The following ERCC6 variants were observed in gnomAD, a reference collection of about 807,000 sequenced individuals.
ERCC6 encodes the protein DNA excision repair protein ERCC-6.
ERCC6 carries 116 observed loss-of-function variants against 158.7 expected under a neutral mutation model. The observed-to-expected ratio is 0.73, with a 90% CI of 0.63 to 0.85. The LOEUF is 0.85. Ranked by LOEUF, ERCC6 falls within the 40% of genes least tolerant of loss-of-function variation. ERCC6 has a pLI of 0.00. For synonymous variants in ERCC6, 678 were observed against 659.3 expected (o/e 1.03, Z -0.43); for missense variants, 1,698 against 1,799.4 (o/e 0.94, Z 1.02).
the ERCC6 span, among the ~76,000 whole-genome samples, chr10:49,445,311 C>A: frequency 2.0e-5 from 3 of 152,236 alleles, no homozygotes; most frequent in Non-Finnish European, 2.9e-5. Flanking sequence ...CCATTCCTGG[C>A]AAATGCGGGG....
chr10:49,489,520 C>T (rs543497841), intron 8 of ERCC6, among the ~76,000 whole-genome samples: 28 of 152,332 alleles, frequency 1.8e-4, no homozygotes, highest in African/African-American at 5.8e-4. Context: ...GAACCCTGGT[C>T]TTGTAAGCAC....
chr10:49,453,670 G>A (rs113657879), downstream of ERCC6, among the ~76,000 whole-genome samples: 41 of 152,228 alleles, frequency 2.7e-4, no homozygotes, highest in African/African-American at 9.4e-4. Context: ...TATTAGGCAG[G>A]TTGGTTAACA....
Position 49,459,214 on chromosome 10 carries a change from C to T in ERCC6, c.4083G>A (p.Glu1361=). 6.2e-7 allele frequency: 1 copy of T among 1,614,140 alleles called. No individual in the cohort carries two copies. Residue 1361 remains glutamate, a synonymous_variant, in exon 21 of 21, where the codon GAG becomes GAA. Coordinates refer to ENST00000355832, the MANE Select transcript of ERCC6 (RefSeq NM_000124.4). ...EKCQDGIMKK[E]GKDNVPEHFS... is the part of the protein sequence containing the mutation. ...AATGCTCAGGGACATTATCTTTTCC[C>T]TCCTTTTTCATGATGCCATCCTATA...
rs768296886 is a variant in ERCC6 at position 49,524,199 on chromosome 10, C to T, written c.1231G>A (p.Gly411Arg). The stretch of plus-strand genomic sequence containing the variant: ...ACTGGCACTTTCTTCTGCCGTTTCC[C>T]GCCCTTGGGCAGAGGCTTCAGCTCA... ...DYELKPLPKGGKRQKKVPVQE... is the reference protein window; with the variant it reads ...DYELKPLPKGRKRQKKVPVQE... The change falls in exon 5 of 21, where the codon GGG becomes AGG. Residue 411 changes from glycine to arginine, a missense_variant. Gly to Arg is a moderately radical substitution (Grantham distance 125, BLOSUM62 -2). Coordinates refer to ENST00000355832, the MANE Select transcript of ERCC6 (RefSeq NM_000124.4). 6 of 1,614,156 alleles carry T rather than the reference C, an allele frequency of 3.7e-6. No homozygotes were observed. Among genetic ancestry groups the T allele is most frequent in the Non-Finnish European group, 3.4e-6 (4 of 1,180,034 alleles).
intron 7 of ERCC6, among the ~76,000 whole-genome samples, chr10:49,496,763 G>C (rs1284253389): frequency 6.6e-6 from 1 of 152,124 alleles, no homozygotes; most frequent in Non-Finnish European, 1.5e-5. Context: ...AGCTGAGATT[G>C]TGCCACTGCA....
At chr10:49,525,545 C>T (rs1471234552) in intron 4 of ERCC6, among the ~76,000 whole-genome samples, 1 of 152,170 alleles carries the variant, frequency 6.6e-6, no homozygotes, top group Non-Finnish European at 1.5e-5. Context: ...TGAAATTCAT[C>T]TCTGGCAAAA....
chr10:49,488,696 C>T (rs574930725), intron 8 of ERCC6, among the ~76,000 whole-genome samples: 10 of 149,698 alleles, frequency 6.7e-5, no homozygotes, highest in South Asian at 6.3e-4. Context: ...TTTAAAGCCA[C>T]GTCTTTTTGC....
the ERCC6 span, among the ~76,000 whole-genome samples, chr10:49,438,642 A>G: frequency 6.6e-6 from 1 of 152,130 alleles, no homozygotes; most frequent in East Asian, 1.9e-4. Flanking sequence ...ACAGTCCCCC[A>G]AAGTGTTAAC....
At chr10:49,499,464 G>A (rs897566371) in intron 7 of ERCC6, among the ~76,000 whole-genome samples, 15 of 152,300 alleles carry the variant, frequency 9.8e-5, no homozygotes, top group Middle Eastern at 3.4e-3. Flanking sequence ...TGGAGAGTAG[G>A]AAGAACTTTC....
At chr10:49,527,918 CA>C (rs769858072) in intron 4 of ERCC6, among the ~76,000 whole-genome samples, 4 of 152,118 alleles carry the variant, frequency 2.6e-5, no homozygotes, top group Non-Finnish European at 4.4e-5. Flanking sequence ...CGAATTTTCC[CA>C]AAAAGTTTTC....
At chr10:49,534,352 T>A (rs1342527834) in intron 1 of ERCC6, among the ~76,000 whole-genome samples, 1 of 152,198 alleles carries the variant, frequency 6.6e-6, no homozygotes, top group Non-Finnish European at 1.5e-5. Flanking sequence ...CACATGACCT[T>A]TGTCAAGCAA....
intron 7 of ERCC6, among the ~76,000 whole-genome samples, chr10:49,495,715 T>C (rs761916831): frequency 6.6e-6 from 1 of 152,130 alleles, no homozygotes; most frequent in Non-Finnish European, 1.5e-5. Flanking sequence ...GCCTCATCCT[T>C]GAGCAGACCT....
At chr10:49,488,995 G>T (rs1421819606) in intron 8 of ERCC6, among the ~76,000 whole-genome samples, 1 of 152,138 alleles carries the variant, frequency 6.6e-6, no homozygotes, top group African/African-American at 2.4e-5. Context: ...CATGTGGCCA[G>T]GATGGTCTCG....
chr10:49,530,800 CAAT>C lies in ERCC6; in HGVS notation c.460_462del (p.Ile154del). On this transcript the variant is annotated inframe_deletion, in exon 3 of 21. Transcript: ENST00000355832. ...GTGGCAGCTTGAGGGCTAAGCTGTTCAATAATTTTATTGATTTGCCTTAGGGAT... is the reference window on the plus strand; with the variant it reads ...GTGGCAGCTTGAGGGCTAAGCTGTTCAATTTTATTGATTTGCCTTAGGGAT... The C allele has an allele frequency of 6.2e-7, 1 of 1,613,508 alleles. No homozygotes were observed. Among genetic ancestry groups the C allele is most frequent in the Non-Finnish European group, 8.5e-7 (1 of 1,179,846 alleles).
upstream of ERCC6, chr10:49,539,397 G>A (rs1837684970): frequency 6.6e-6 from 1 of 152,334 alleles, no homozygotes; most frequent in Non-Finnish European, 1.5e-5. Context: ...GAACCCTGCA[G>A]AGAAAGTCAG....
chr10:49,519,307 C>G (rs1460343908), intron 5 of ERCC6, among the ~76,000 whole-genome samples: 1 of 152,152 alleles, frequency 6.6e-6, no homozygotes, highest in Admixed American at 6.5e-5. Flanking sequence ...GTGGGCAAGC[C>G]AATTAACTGG....
chr10:49,517,212 C>CAAGCAA, intron 5 of ERCC6: 1 of 1,473,324 alleles, frequency 6.8e-7, no homozygotes, highest in Non-Finnish European at 9.1e-7. Context: ...AAACCCATAA[C>CAAGCAA]TAATGCAATA....
At chr10:49,473,611 G>A (rs747497870) in intron 13 of ERCC6, 24 bp from the exon 14 acceptor site, 1 of 1,365,896 alleles carries the variant, frequency 7.3e-7, no homozygotes, top group Non-Finnish European at 1.0e-6. Flanking sequence ...GGGGATAGGA[G>A]TTTGCAAAGC....
intron 18 of ERCC6, among the ~76,000 whole-genome samples, chr10:49,462,784 C>A (rs754552933): frequency 6.6e-6 from 1 of 152,148 alleles, no homozygotes; most frequent in Non-Finnish European, 1.5e-5. Context: ...TCCTTTCTCA[C>A]CTATCAGATT....
Sources: gnomAD v4.1 joint callset for allele counts (sites outside exome capture counted in the v4.1 genomes callset) on GRCh38, gnomAD v4.1.1 for gene constraint, MANE v1.5 for transcripts, NCBI Gene and HGNC (gene_info 2026-07-23, HGNC 2026-07-21) for gene names.